The following AQR variants were observed in gnomAD, a reference collection of about 807,000 sequenced individuals.
The protein encoded by AQR is aquarius intron-binding spliceosomal factor.
In AQR, 61 loss-of-function variants were observed where a neutral mutation model predicts 180.5. That is an observed-to-expected ratio of 0.34 (90% CI 0.28 to 0.42). The LOEUF (loss-of-function observed/expected upper bound fraction) is 0.42, where lower values mean the gene tolerates loss of function less well. Ranked by LOEUF, AQR falls within the 10% of genes least tolerant of loss-of-function variation. AQR has a pLI of 1.00. For synonymous variants in AQR, 551 were observed against 588.8 expected (o/e 0.94, Z 0.93); for missense variants, 1,281 against 1,798.3 (o/e 0.71, Z 5.20).
intron 22 of AQR, among the ~76,000 whole-genome samples, chr15:34,895,872 C>T (rs147097873): frequency 6.6e-6 from 1 of 151,934 alleles, no homozygotes; most frequent in Admixed American, 6.6e-5. Flanking sequence ...ACATTTATAG[C>T]ACAACCTACT....
At position 34,942,012 on chromosome 15, in the gene AQR, C is replaced by T; in HGVS notation, c.540G>A (p.Leu180=). The T allele has an allele frequency of 1.2e-6, 2 of 1,607,654 alleles. No homozygotes were observed. The highest frequency in any genetic ancestry group is 1.7e-6 in the Non-Finnish European group (2 of 1,175,696). The part of the protein sequence containing the change: ...ISLPMWMGLQ[L]ARLELELKKT... ...TAAGACTCTGAAATTAGAGACTTAC[C>T]AGCTGTAAGCCCATCCACATTGGGA... is the stretch of plus-strand genomic sequence containing the variant. The change falls in exon 7 of 35, where the codon CTG becomes CTA. Residue 180 remains leucine, a splice_region_variant and synonymous_variant. Transcript: ENST00000156471.
At chr15:34,961,292 G>A (rs529268642) in intron 2 of AQR, among the ~76,000 whole-genome samples, 71 of 152,030 alleles carry the variant, frequency 4.7e-4, no homozygotes, top group Non-Finnish European at 5.7e-4. Flanking sequence ...TTGAGTGAGG[G>A]TGGGCAGAAT....
chr15:34,961,716 T>G (rs975462439), intron 2 of AQR, among the ~76,000 whole-genome samples: 2 of 144,980 alleles, frequency 1.4e-5, no homozygotes, highest in African/African-American at 5.1e-5. Context: ...GGAAGACTGG[T>G]TCAAAACATC....
At chr15:34,875,136 C>G (rs1330492628) in intron 28 of AQR, among the ~76,000 whole-genome samples, 1 of 151,948 alleles carries the variant, frequency 6.6e-6, no homozygotes, top group Non-Finnish European at 1.5e-5. Context: ...CAGGGTAATC[C>G]AAAGAAGGCT....
intron 17 of AQR, among the ~76,000 whole-genome samples, chr15:34,909,377 T>C (rs1203154150): frequency 2.0e-5 from 3 of 152,222 alleles, no homozygotes; most frequent in East Asian, 3.8e-4. Context: ...TTTAACTCTA[T>C]TGGACTTAGT....
At position 34,857,028 on chromosome 15, in the gene AQR, C is replaced by T. The variant is rs753645474; in HGVS notation, c.4222G>A (p.Glu1408Lys). Reference sequence around the variant, plus strand: ...TCAGCTTGAACAGTCATGGCCTCTTCTTCTGTTTCCAATTCTGTTTCTTGA... The same window carrying T: ...TCAGCTTGAACAGTCATGGCCTCTTTTTCTGTTTCCAATTCTGTTTCTTGA... Reference protein sequence around the residue: ...QNQETELETEEEAMTVQADII... With the variant: ...QNQETELETEKEAMTVQADII... Residue 1408 changes from glutamate (E) to lysine (K), a missense_variant, in exon 35 of 35, where the codon GAA becomes AAA. Coordinates refer to ENST00000156471, the MANE Select transcript of AQR (RefSeq NM_014691.3). The T allele has an allele frequency of 2.6e-5, 42 of 1,613,466 alleles. No individual in the cohort carries two copies. In the Admixed American group the frequency reaches 6.5e-4, roughly 25 times the overall value.
In AQR at chr15:34,918,823, T is replaced by C. The variant is rs956165334; in HGVS notation, c.1222-445A>G. On this transcript the variant is annotated intron_variant, in intron 14 of 34. Transcript: ENST00000156471. Reference sequence around the variant, plus strand: ...TTTTGGACTATAGTTTTCATTCTTATACTAACTAGCTATACCATCTGGGAA... The same window carrying C: ...TTTTGGACTATAGTTTTCATTCTTACACTAACTAGCTATACCATCTGGGAA... 1.7e-4 allele frequency among the ~76,000 whole-genome samples: 26 copies of C among 152,266 alleles called. 1 individual carries two copies. Among genetic ancestry groups the C allele is most frequent in the African/African-American group, 4.8e-5 (2 of 41,478 alleles).
chr15:34,935,029 TTC>T (rs1226555601), intron 9 of AQR, among the ~76,000 whole-genome samples: 5 of 152,154 alleles, frequency 3.3e-5, no homozygotes, highest in African/African-American at 1.2e-4. Flanking sequence ...CATTCTAAAC[TTC>T]TGAGAGTTTT....
At chr15:34,861,012 T>C (rs769239153) in intron 33 of AQR, among the ~76,000 whole-genome samples, 1 of 152,212 alleles carries the variant, frequency 6.6e-6, no homozygotes, top group African/African-American at 2.4e-5. Flanking sequence ...CACCCTAAAA[T>C]AGAGATTAAC....
chr15:34,918,805 C>T (rs1469977433), intron 14 of AQR, among the ~76,000 whole-genome samples: 1 of 152,232 alleles, frequency 6.6e-6, no homozygotes, highest in Non-Finnish European at 1.5e-5. Context: ...AGGTTTTGGA[C>T]TATAGTTTTC....
At chr15:34,903,849 T>C (rs1893371335) in intron 19 of AQR, among the ~76,000 whole-genome samples, 1 of 141,168 alleles carries the variant, frequency 7.1e-6, no homozygotes. Context: ...AGTAGAACTT[T>C]GAGCCACCAA....
chr15:34,941,002 G>T lies in AQR; in HGVS notation c.541-3C>A, dbSNP rs1379685274. ...TTTAATTCTAATTCCAATCGTGCCT[G>T]AAGAAGAGATGTGTTATTAAATTAC... On this transcript the variant is annotated splice_region_variant and splice_polypyrimidine_tract_variant and intron_variant, in intron 7 of 34. Coordinates refer to ENST00000156471, the MANE Select transcript of AQR (RefSeq NM_014691.3). 2.5e-6 allele frequency: 4 copies of T among 1,586,278 alleles called. No individual in the cohort carries two copies. In the East Asian group the frequency reaches 9.0e-5, roughly 36 times the overall value.
At chr15:34,886,503 T>C in intron 25 of AQR, 23 bp downstream of exon 25, 1 of 1,585,602 alleles carries the variant, frequency 6.3e-7, no homozygotes, top group African/African-American at 1.4e-5. Flanking sequence ...TGAAGTATGA[T>C]TCAAAAACCC....
At chr15:34,906,449 G>T in intron 18 of AQR, 96 bp downstream of exon 18, 6 of 1,440,346 alleles carry the variant, frequency 4.2e-6, no homozygotes, top group Admixed American at 2.1e-5. Context: ...GTAGGTAAAA[G>T]AACTAAAAAA....
intron 8 of AQR, among the ~76,000 whole-genome samples, chr15:34,939,834 T>C (rs1014113791): frequency 6.6e-6 from 1 of 152,250 alleles, no homozygotes; most frequent in Non-Finnish European, 1.5e-5. Context: ...TCTTATTTAA[T>C]ATTGATAACA....
At chr15:34,949,002 G>GT (rs943834112) in intron 4 of AQR, among the ~76,000 whole-genome samples, 1 of 149,890 alleles carries the variant, frequency 6.7e-6, no homozygotes, top group Non-Finnish European at 1.5e-5. Flanking sequence ...CTTTTTTTTT[G>GT]TTTTTTTGAG....
intron 26 of AQR, 92 bp downstream of exon 26, chr15:34,884,433 A>G (rs1566981918): frequency 8.5e-7 from 1 of 1,171,452 alleles, no homozygotes. Context: ...CAAAAAAACA[A>G]AAGATTTGAA....
At position 34,900,869 on chromosome 15, in the gene AQR, A is replaced by G. The variant is rs375282191; in HGVS notation, c.2002-6T>C. ...CGAATAGTCTCCAGCACAGCCTGTC[A>G]GTAAAAGGACAGAAAAAGATTGTGT... is the stretch of plus-strand genomic sequence containing the variant. On this transcript the variant is annotated splice_polypyrimidine_tract_variant and splice_region_variant and intron_variant, in intron 19 of 34. Transcript: ENST00000156471. The G allele has an allele frequency of 8.8e-6, 14 of 1,584,562 alleles. No individual in the cohort carries two copies. Among genetic ancestry groups the G allele is most frequent in the Non-Finnish European group, 1.2e-5 (14 of 1,162,466 alleles).
chr15:34,945,621 C>A (rs1894099809), intron 5 of AQR, among the ~76,000 whole-genome samples: 1 of 152,182 alleles, frequency 6.6e-6, no homozygotes, highest in South Asian at 2.1e-4. Flanking sequence ...AACCCCTAGG[C>A]TCTCTTGATA....
Sources: gnomAD v4.1 joint callset for allele counts (sites outside exome capture counted in the v4.1 genomes callset) on GRCh38, gnomAD v4.1.1 for gene constraint, MANE v1.5 for transcripts, NCBI Gene and HGNC (gene_info 2026-07-23, HGNC 2026-07-21) for gene names.